FAM168A: variants seen among roughly 807,000 people sequenced by gnomAD.
FAM168A encodes the protein family with sequence similarity 168 member A.
A neutral mutation model predicts 28.5 loss-of-function variants in FAM168A; 3 were observed. The observed-to-expected ratio is 0.11, with a 90% CI of 0.05 to 0.27. The LOEUF (loss-of-function observed/expected upper bound fraction) is 0.27, where lower values mean the gene tolerates loss of function less well. Among genes scored for constraint, FAM168A ranks in the 10% least tolerant of loss-of-function variants. FAM168A has a pLI of 1.00. For missense variants in FAM168A, 222 were observed against 311.5 expected (o/e 0.71, Z 2.16); for synonymous variants, 122 against 124.2 (o/e 0.98, Z 0.12).
At chr11:73,511,128 C>A (rs1855215543) in intron 1 of FAM168A, among the ~76,000 whole-genome samples, 1 of 151,850 alleles carries the variant, frequency 6.6e-6, no homozygotes, top group Non-Finnish European at 1.5e-5. Context: ...GGTGCAGAGC[C>A]CATTCAGCCC....
chr11:73,572,239 G>A (rs565646446), intron 1 of FAM168A, among the ~76,000 whole-genome samples: 2,454 of 40,292 alleles, frequency 0.061, 60 homozygotes, highest in African/African-American at 0.13. Flanking sequence ...CAGCCGCCCC[G>A]TCCGGGAGGG....
chr11:73,561,541 G>A (rs1943958517), intron 1 of FAM168A, among the ~76,000 whole-genome samples: 1 of 151,642 alleles, frequency 6.6e-6, no homozygotes, highest in Non-Finnish European at 1.5e-5. Context: ...GATTACTTTT[G>A]TAAACTACTC....
chr11:73,544,870 T>TATATA (rs1943712699), intron 1 of FAM168A, among the ~76,000 whole-genome samples: 10 of 93,256 alleles, frequency 1.1e-4, no homozygotes, highest in African/African-American at 5.4e-4. Context: ...AATATATAAT[T>TATATA]ATATATATTA....
At chr11:73,541,534 G>A (rs868179453) in intron 1 of FAM168A, among the ~76,000 whole-genome samples, 28 of 151,766 alleles carry the variant, frequency 1.8e-4, no homozygotes, top group Middle Eastern at 6.8e-3. Context: ...CACCACACCC[G>A]GCTAATTTTT....
intron 2 of FAM168A, 25 bp from the exon 3 acceptor site, chr11:73,430,795 A>C: frequency 6.5e-7 from 1 of 1,531,804 alleles, no homozygotes; most frequent in Non-Finnish European, 8.8e-7. Context: ...GAAAAGGCTT[A>C]TTTAGTTAGG....
chr11:73,511,740 G>A lies in FAM168A; in HGVS notation c.-18-43248C>T, dbSNP rs11822777. On this transcript the variant is annotated intron_variant, in intron 1 of 7. Coordinates refer to ENST00000356467, the MANE Select transcript of FAM168A (RefSeq NM_015159.3). Reference sequence around the variant, plus strand: ...TTAATATCTAGATGATGTTGTGCAAGCTATTTAACATCTCCGAGTCTTAGT... The same window carrying A: ...TTAATATCTAGATGATGTTGTGCAAACTATTTAACATCTCCGAGTCTTAGT... Among the ~76,000 whole-genome samples, 1,114 of 152,268 alleles carry A rather than the reference G, an allele frequency of 7.3e-3. 17 individuals are homozygous for A. Among genetic ancestry groups the A allele is most frequent in the African/African-American group, 0.026 (1,076 of 41,546 alleles).
chr11:73,543,633 A>T (rs1276997837), intron 1 of FAM168A, among the ~76,000 whole-genome samples: 6 of 152,184 alleles, frequency 3.9e-5, no homozygotes, highest in Non-Finnish European at 7.3e-5. Context: ...TATTCTTTGA[A>T]AATGGCCATT....
At chr11:73,565,185 G>C (rs1045336045) in intron 1 of FAM168A, among the ~76,000 whole-genome samples, 1 of 152,176 alleles carries the variant, frequency 6.6e-6, no homozygotes, top group Admixed American at 6.5e-5. Context: ...CCTTACAGGA[G>C]GATGTTTCAG....
At chr11:73,511,183 T>C (rs561069949) in intron 1 of FAM168A, among the ~76,000 whole-genome samples, 86 of 152,128 alleles carry the variant, frequency 5.7e-4, no homozygotes, top group African/African-American at 2.0e-3. Context: ...TCAGGTTTTT[T>C]TTTTTCCTCC....
chr11:73,410,579 A>G (rs1461785554), intron 5 of FAM168A: 1 of 152,182 alleles, frequency 6.6e-6, no homozygotes, highest in Non-Finnish European at 1.5e-5. Flanking sequence ...CCACTGGCCC[A>G]CTGACTTGTA....
intron 1 of FAM168A, among the ~76,000 whole-genome samples, chr11:73,484,572 A>ATCTATCTATATATCGATATC (rs1346665548): frequency 1.0e-5 from 1 of 98,540 alleles, no homozygotes; most frequent in African/African-American, 3.3e-5. Context: ...CTATATATCT[A>ATCTATCTATATATCGATATC]TATATCGATA....
At chr11:73,587,152 TAAAAAAAAAAAA>T (rs1158411875) in intron 1 of FAM168A, among the ~76,000 whole-genome samples, 141 of 81,386 alleles carry the variant, frequency 1.7e-3, no homozygotes, top group African/African-American at 6.6e-3. Context: ...ATGGACATGT[TAAAAAAAAAAAA>T]AAAAAAAAAA....
intron 1 of FAM168A, among the ~76,000 whole-genome samples, chr11:73,567,839 G>A (rs990838333): frequency 5.3e-5 from 8 of 152,054 alleles, no homozygotes; most frequent in East Asian, 1.9e-4. Flanking sequence ...CATCACCCCC[G>A]GACAACAAGA....
chr11:73,430,741 G>C lies in FAM168A; in HGVS notation c.100C>G (p.Pro34Ala), dbSNP rs2134510933. The C allele has an allele frequency of 2.5e-6, 4 of 1,613,296 alleles. No homozygotes were observed. Among genetic ancestry groups the C allele is most frequent in the South Asian group, 2.2e-5 (2 of 91,036 alleles). ...GYPTAYPAAA[P>A]AYNPSLYPTN... ...GGGTACAGGCTGGGATTGTAGGCAG[G>C]GGCAGCTGCTGGATAGGCTGTGGGG... The change falls in exon 3 of 8, where the codon CCT (proline) becomes GCT (alanine). Residue 34 changes from proline to alanine, a missense_variant. Physicochemically the swap from Pro to Ala is conservative, Grantham distance 27 (BLOSUM62 -1). Around this residue, in one of 3 missense-constraint regions of FAM168A, gnomAD observed 153 missense variants for 189.2 expected, o/e 0.81. Transcript: ENST00000356467.
At chr11:73,424,933 T>G (rs754127041) in intron 3 of FAM168A, 11 of 1,115,466 alleles carry the variant, frequency 9.9e-6, no homozygotes, top group East Asian at 8.2e-5. Context: ...GGGATGGGAT[T>G]TGGGGAGGAG....
chr11:73,560,075 G>T (rs555878807), intron 1 of FAM168A, among the ~76,000 whole-genome samples: 1 of 152,050 alleles, frequency 6.6e-6, no homozygotes, highest in African/African-American at 2.4e-5. Context: ...TCTTGTTGTT[G>T]TTTTCTGAGA....
chr11:73,502,865 T>C (rs1039733730), intron 1 of FAM168A, among the ~76,000 whole-genome samples: 1 of 152,148 alleles, frequency 6.6e-6, no homozygotes, highest in African/African-American at 2.4e-5. Context: ...TCAACAAACA[T>C]AATCCATCAC....
intron 1 of FAM168A, among the ~76,000 whole-genome samples, chr11:73,551,858 C>T (rs1367703754): frequency 6.6e-6 from 1 of 152,194 alleles, no homozygotes; most frequent in African/African-American, 2.4e-5. Context: ...AGGCACTTGC[C>T]TAAAGCATTC....
chr11:73,589,862 G>C (rs1012482026), intron 1 of FAM168A, among the ~76,000 whole-genome samples: 1 of 152,140 alleles, frequency 6.6e-6, no homozygotes, highest in Non-Finnish European at 1.5e-5. Flanking sequence ...AGGAGGCGGA[G>C]GTTGCAGTGA....
Sources: gnomAD v4.1 joint callset for allele counts (sites outside exome capture counted in the v4.1 genomes callset) on GRCh38, gnomAD v4.1.1 for gene constraint, gnomAD v4.1.1 regional missense constraint, MANE v1.5 for transcripts, NCBI Gene and HGNC (gene_info 2026-07-23, HGNC 2026-07-21) for gene names.